ZNF217: variants seen among roughly 807,000 people sequenced by gnomAD.
The protein encoded by ZNF217 is zinc finger protein 217.
In ZNF217, 12 loss-of-function variants were observed where a neutral mutation model predicts 73.3. That is an observed-to-expected ratio of 0.16 (90% CI 0.10 to 0.27). The LOEUF (loss-of-function observed/expected upper bound fraction) is 0.27. ZNF217 is among the 10% of genes least tolerant of loss of function. ZNF217 has a pLI of 1.00. For synonymous variants in ZNF217, 588 were observed against 516.4 expected (o/e 1.14, Z -1.88); for missense variants, 1,195 against 1,327.8 (o/e 0.90, Z 1.55).
rs6068584 is a variant in ZNF217 at position 53,575,079 on chromosome 20, C to T, written c.3037+648G>A. The T allele has an allele frequency of 6.5e-3, 988 of 152,332 alleles. 11 individuals carry two copies. Among genetic ancestry groups the T allele is most frequent in the South Asian group, 0.044 (212 of 4,830 alleles). 9.4% of individuals were successfully genotyped at this position (152,332 alleles called of 1,614,324 possible). On this transcript the variant is annotated intron_variant, in intron 4 of 5. Transcript: ENST00000371471. ...AAGAATAAGGCTGGGTATGGTGGCT[C>T]GCGCCTGTAATGCTGGCATTCTGGG...
At chr20:53,584,038 T>C (rs1988604658) in intron 1 of ZNF217, among the ~76,000 whole-genome samples, 1 of 152,260 alleles carries the variant, frequency 6.6e-6, no homozygotes, top group Admixed American at 6.5e-5. Flanking sequence ...CTCTCATTTT[T>C]TTAATCTACC....
In ZNF217 at chr20:53,577,126, T is replaced by C. The variant is rs368751664; in HGVS notation, c.1638A>G (p.Leu546=). ...DGKNQDTEDA[L]LTADSAQTKN... ...TGGTTTGCGCACTGTCAGCGGTTAA[T>C]AGTGCATCTTCAGTGTCCTGATTTT... The change falls in exon 4 of 6, where the codon CTA becomes CTG. Residue 546 remains leucine, a synonymous_variant. Coordinates refer to ENST00000371471, the MANE Select transcript of ZNF217 (RefSeq NM_006526.3). The C allele has an allele frequency of 7.4e-6, 12 of 1,614,128 alleles. No individual in the cohort carries two copies. Among genetic ancestry groups the C allele is most frequent in the Non-Finnish European group, 1.0e-5 (12 of 1,180,056 alleles).
chr20:53,571,748 GTTTT>G lies in ZNF217; in HGVS notation c.3139_3142del (p.Lys1047LeufsTer59). On this transcript the variant is annotated frameshift_variant, in exon 5 of 6. Transcript: ENST00000371471. LOFTEE classifies it high-confidence loss of function. ...TTTTTCCCCCTAATTAGTGAATCAA[GTTTT>G]TTTGTCATTTGGTCGATAATGTGCA... The G allele has an allele frequency of 6.2e-7, 1 of 1,607,874 alleles. No individual in the cohort carries two copies. Among genetic ancestry groups the G allele is most frequent in the South Asian group, 1.1e-5 (1 of 89,468 alleles).
At position 53,591,457 on chromosome 20, in the gene ZNF217, TTAAAA is replaced by T. The variant is rs1445397391; in HGVS notation, c.-343+2294_-343+2298del. Among the ~76,000 whole-genome samples the T allele has an allele frequency of 7.3e-5, 11 of 151,568 alleles. No individual in the cohort carries two copies. In the South Asian group the frequency reaches 1.4e-3, roughly 20 times the overall value. The stretch of plus-strand genomic sequence containing the variant: ...CAGATTATTAATCCTATTCTAACAA[TTAAAA>T]TAAATGATGAATCTGCCTTGGAACT... On this transcript the variant is annotated intron_variant, in intron 1 of 5. Coordinates refer to ENST00000371471, the MANE Select transcript of ZNF217 (RefSeq NM_006526.3).
upstream of ZNF217, chr20:53,593,980 C>T (rs1988982715): frequency 6.6e-6 from 1 of 151,650 alleles, no homozygotes; most frequent in African/African-American, 2.4e-5. Flanking sequence ...CACGGGGAGC[C>T]GCGGGCGAGG....
chr20:53,594,035 G>A (rs1366533199), upstream of ZNF217, among the ~76,000 whole-genome samples: 3 of 146,478 alleles, frequency 2.0e-5, no homozygotes, highest in Admixed American at 1.3e-4. Context: ...GCGCCTCCAA[G>A]ACCCCCCCCC....
At chr20:53,578,122 A>T (rs1988350703) in intron 3 of ZNF217, among the ~76,000 whole-genome samples, 1 of 152,188 alleles carries the variant, frequency 6.6e-6, no homozygotes, top group Non-Finnish European at 1.5e-5. Flanking sequence ...AAAAAACAAA[A>T]AAGAAAGAAA....
upstream of ZNF217, among the ~76,000 whole-genome samples, chr20:53,594,845 A>C (rs1989012862): frequency 6.6e-6 from 1 of 152,252 alleles, no homozygotes; most frequent in Non-Finnish European, 1.5e-5. Context: ...ATTTTCTTCA[A>C]GCTTGAGGAA....
At chr20:53,591,919 T>TACAGTAAATAAGTACA (rs1396483518) in intron 1 of ZNF217, among the ~76,000 whole-genome samples, 1 of 152,192 alleles carries the variant, frequency 6.6e-6, no homozygotes, top group Non-Finnish European at 1.5e-5. Flanking sequence ...ATAAGAACAT[T>TACAGTAAATAAGTACA]GTAAATCTCC....
chr20:53,581,555 G>A lies in ZNF217; in HGVS notation c.1272C>T (p.Leu424=), dbSNP rs73280089. The part of the protein sequence containing the change: ...GRQPGTCSPD[L]AAPLDENGAV... ...CTCCATTTTCATCCAGAGGGGCGGC[G>A]AGGTCAGGAGAACACGTCCCCGGCT... The change falls in exon 2 of 6, where the codon CTC becomes CTT. Residue 424 remains leucine (L), a synonymous_variant. Coordinates refer to ENST00000371471, the MANE Select transcript of ZNF217 (RefSeq NM_006526.3). This position sits in a 1 kb window ranked among gnomAD's most constrained non-coding sequence, Gnocchi z 4.9. 3.7e-4 allele frequency: 605 copies of A among 1,614,196 alleles called. 2 individuals are homozygous for A. In the African/African-American group the frequency reaches 6.8e-3, roughly 18 times the overall value.
chr20:53,575,164 C>T (rs562427127), intron 4 of ZNF217: 1 of 152,322 alleles, frequency 6.6e-6, no homozygotes, highest in South Asian at 2.1e-4. Context: ...GGCAACAAAG[C>T]AAATCCCTGT....
intron 1 of ZNF217, among the ~76,000 whole-genome samples, chr20:53,585,603 CTTAG>C (rs918339659): frequency 1.3e-5 from 2 of 152,088 alleles, no homozygotes; most frequent in Non-Finnish European, 1.5e-5. Flanking sequence ...AACAGCATAA[CTTAG>C]TTACTGAAAA....
At position 53,576,173 on chromosome 20, in the gene ZNF217, A is replaced by T; in HGVS notation, c.2591T>A (p.Leu864His). 6.2e-7 allele frequency: 1 copy of T among 1,614,226 alleles called. No homozygotes were observed. The highest frequency in any genetic ancestry group is 8.5e-7 in the Non-Finnish European group (1 of 1,180,040). The change falls in exon 4 of 6, where the codon CTT becomes CAT. Residue 864 changes from leucine to histidine, a missense_variant. Leu to His is a moderately conservative substitution (Grantham distance 99, BLOSUM62 -3). Around this residue, in one of 9 missense-constraint regions of ZNF217, gnomAD observed 649 missense variants for 642.8 expected, o/e 1.01. Transcript: ENST00000371471. Reference sequence around the variant, plus strand: ...GGTGGGCTGAGAAGGAGCTACTGGAAGAGGTTTCAATTTTGTCTCGGGTCT... The same window carrying T: ...GGTGGGCTGAGAAGGAGCTACTGGATGAGGTTTCAATTTTGTCTCGGGTCT... ...TKRPETKLKP[L>H]PVAPSQPTLG...
chr20:53,593,609 G>A (rs1600733964), intron 1 of ZNF217, 147 bp downstream of exon 1: 1 of 151,682 alleles, frequency 6.6e-6, no homozygotes, highest in Admixed American at 6.6e-5. Flanking sequence ...CCCTAGAGGA[G>A]CGGATAGAAA....
chr20:53,596,053 A>G (rs1429444041), upstream of ZNF217, among the ~76,000 whole-genome samples: 1 of 152,216 alleles, frequency 6.6e-6, no homozygotes, highest in Non-Finnish European at 1.5e-5. Context: ...GAATAGGGAA[A>G]CAATCAAATA....
intron 4 of ZNF217, chr20:53,574,912 T>A (rs1336655968): frequency 6.6e-6 from 1 of 152,058 alleles, no homozygotes; most frequent in Non-Finnish European, 1.5e-5. Context: ...TGTGATGAAG[T>A]GAGGCAAGCT....
intron 1 of ZNF217, among the ~76,000 whole-genome samples, chr20:53,589,852 GTAATA>G (rs1988819999): frequency 6.6e-6 from 1 of 151,796 alleles, no homozygotes; most frequent in Admixed American, 6.6e-5. Flanking sequence ...CCGTCTTTGT[GTAATA>G]CATTTTTTTT....
Position 53,576,072 on chromosome 20 carries a change from C to T in ZNF217, c.2692G>A (p.Asp898Asn). The change falls in exon 4 of 6, where the codon GAC becomes AAC. Residue 898 changes from aspartate to asparagine, a missense_variant. Around this residue, in one of 9 missense-constraint regions of ZNF217, gnomAD observed 649 missense variants for 642.8 expected, o/e 1.01. Transcript: ENST00000371471. ...NDSPWAPPGR[D>N]YFCNRSASNT... is the part of the protein sequence containing the mutation. The stretch of plus-strand genomic sequence containing the variant: ...CTGGCACTCCGATTACAGAAATAGT[C>T]TCTTCCCGGAGGTGCCCACGGGCTG... 6.2e-7 allele frequency: 1 copy of T among 1,614,210 alleles called. No homozygotes were observed. Among genetic ancestry groups the T allele is most frequent in the Non-Finnish European group, 8.5e-7 (1 of 1,180,034 alleles).
Position 53,582,086 on chromosome 20 carries a change from G to C in ZNF217, c.741C>G (p.Ser247Arg), listed in dbSNP as rs1424118422. ...VHTKKTAFGT[S>R]SAQTDSPQGG... ...CTTGTGGAGAGTCTGTCTGCGCGCTGCTGGTACCGAAAGCAGTTTTTTTGG... is the reference window on the plus strand; with the variant it reads ...CTTGTGGAGAGTCTGTCTGCGCGCTCCTGGTACCGAAAGCAGTTTTTTTGG... The change falls in exon 2 of 6, where the codon AGC becomes AGG. Residue 247 changes from serine (S) to arginine (R), a missense_variant. By Grantham distance (110) the Ser-to-Arg change is moderately radical. Coordinates refer to ENST00000371471, the MANE Select transcript of ZNF217 (RefSeq NM_006526.3). The surrounding 1 kb of genome is among the most constrained non-coding windows in gnomAD (Gnocchi z 4.8). 1 of 1,614,234 alleles carries C rather than the reference G, an allele frequency of 6.2e-7. No individual in the cohort carries two copies. Among genetic ancestry groups the C allele is most frequent in the South Asian group, 1.1e-5 (1 of 91,092 alleles).
Sources: gnomAD v4.1 joint callset for allele counts (sites outside exome capture counted in the v4.1 genomes callset) on GRCh38, gnomAD v4.1.1 for gene constraint, gnomAD v4.1.1 regional missense constraint, Gnocchi (gnomAD v3.1) non-coding constraint, MANE v1.5 for transcripts, NCBI Gene and HGNC (gene_info 2026-07-23, HGNC 2026-07-21) for gene names.